The following UFM1 variants were observed in gnomAD, a reference collection of about 807,000 sequenced individuals.
UFM1 encodes the protein ubiquitin-fold modifier 1.
UFM1 carries 9 observed loss-of-function variants against 15.4 expected under a neutral mutation model. The observed-to-expected ratio is 0.59, with a 90% CI of 0.35 to 1.02. UFM1 has a LOEUF of 1.02. UFM1 is among the 50% of genes least tolerant of loss of function. UFM1 has a pLI of 0.02. For synonymous variants in UFM1, 27 were observed against 36.3 expected (o/e 0.74, Z 0.92); for missense variants, 98 against 104.7 (o/e 0.94, Z 0.28).
Position 38,363,533 on chromosome 13 carries a change from T to G in UFM1, c.*2755T>G, listed in dbSNP as rs933648218. On this transcript the variant is annotated 3_prime_UTR_variant, in exon 6 of 6. Transcript: ENST00000239878. ...AAAAAAGTTGAGAAGAAAATGGGGT[T>G]ATTGTAACTGGCTAGGTTGGTAGGT... 2.0e-5 allele frequency: 3 copies of G among 151,684 alleles called. No homozygotes were observed. Among genetic ancestry groups the G allele is most frequent in the Non-Finnish European group, 4.4e-5 (3 of 67,960 alleles). 9.4% of individuals were successfully genotyped at this position (151,684 alleles called of 1,614,324 possible).
intron 2 of UFM1, 44 bp downstream of exon 2, chr13:38,350,099 C>A: frequency 6.2e-7 from 1 of 1,614,176 alleles, no homozygotes; most frequent in Non-Finnish European, 8.5e-7. Context: ...CCGGACAAGA[C>A]GGGGCTGGGT....
chr13:38,353,264 T>C (rs1355078184), intron 2 of UFM1, among the ~76,000 whole-genome samples: 2 of 152,134 alleles, frequency 1.3e-5, no homozygotes, highest in African/African-American at 4.8e-5. Flanking sequence ...TGGTAGCTGG[T>C]ATTGAGACAC....
In UFM1 at chr13:38,362,024, T is replaced by C. The variant is rs1201224445; in HGVS notation, c.*1246T>C. On this transcript the variant is annotated 3_prime_UTR_variant, in exon 6 of 6. Coordinates refer to ENST00000239878, the MANE Select transcript of UFM1 (RefSeq NM_016617.4). ...GATGTGTGTAAGGGAAGATTTTATTTGCCCTTCCGGAAGAAATCAGTATCT... is the reference window on the plus strand; with the variant it reads ...GATGTGTGTAAGGGAAGATTTTATTCGCCCTTCCGGAAGAAATCAGTATCT... The C allele has an allele frequency of 1.3e-5, 2 of 152,228 alleles. No homozygotes were observed. Among genetic ancestry groups the C allele is most frequent in the Non-Finnish European group, 2.9e-5 (2 of 68,048 alleles). The allele number at this position is 152,228 out of a possible 1,614,324, so 9.4% of individuals were successfully genotyped here.
intron 2 of UFM1, among the ~76,000 whole-genome samples, chr13:38,352,610 A>T (rs1012819770): frequency 2.6e-5 from 4 of 152,214 alleles, no homozygotes; most frequent in African/African-American, 7.2e-5. Flanking sequence ...TTATGAAATG[A>T]CTGGCAAATA....
chr13:38,350,520 T>G (rs1463130094), intron 2 of UFM1, among the ~76,000 whole-genome samples: 2 of 152,240 alleles, frequency 1.3e-5, no homozygotes, highest in Non-Finnish European at 1.5e-5. Flanking sequence ...CCGCGGCTTC[T>G]GAGTTTCGTT....
At chr13:38,350,178 C>T (rs774150714) in intron 2 of UFM1, 123 bp downstream of exon 2, 3 of 1,613,860 alleles carry the variant, frequency 1.9e-6, no homozygotes, top group Non-Finnish European at 2.5e-6. Flanking sequence ...ATCTACTTTC[C>T]TGGCTCGCGC....
rs1453057515 is a variant in UFM1 at position 38,358,163 on chromosome 13, C to T, written c.157+31C>T. ...AATTCACTATAAAATTATGTATTAC[C>T]TCAAATTTATAGAAATGGTGTAAAA... is the stretch of plus-strand genomic sequence containing the variant. On this transcript the variant is annotated intron_variant, in intron 4 of 5. Transcript: ENST00000239878. 8.2e-6 allele frequency: 11 copies of T among 1,346,948 alleles called. 1 individual carries two copies. The South Asian group carries it at 1.2e-4, about 14-fold the overall frequency. The allele number at this position is 1,346,948 out of a possible 1,614,324, so 83.4% of individuals were successfully genotyped here.
In UFM1 at chr13:38,363,331, C is replaced by T. The variant is rs1478878048; in HGVS notation, c.*2553C>T. 1 of 152,092 alleles carries T rather than the reference C, an allele frequency of 6.6e-6. No individual in the cohort carries two copies. The highest frequency in any genetic ancestry group is 1.5e-5 in the Non-Finnish European group (1 of 68,022). The allele number at this position is 152,092 out of a possible 1,614,324, so 9.4% of individuals were successfully genotyped here. ...TGTAGCCTAGGAGCAATAGGCCATA[C>T]CAAATAGCCTAAGTTTGTAGTAGGT... On this transcript the variant is annotated 3_prime_UTR_variant, in exon 6 of 6. Coordinates refer to ENST00000239878, the MANE Select transcript of UFM1 (RefSeq NM_016617.4).
rs149897266 is a variant in UFM1 at position 38,350,200 on chromosome 13, C to G, written c.59+145C>G. 28 of 1,612,942 alleles carry G rather than the reference C, an allele frequency of 1.7e-5. No homozygotes were observed. The South Asian group carries it at 2.1e-4, about 12-fold the overall frequency. ...TTCCTGGCTCGCGCCCTTCCAGGAG[C>G]CTTTCCCACCGGAGCCTGCGAGGAG... On this transcript the variant is annotated intron_variant, in intron 2 of 5. Coordinates refer to ENST00000239878, the MANE Select transcript of UFM1 (RefSeq NM_016617.4).
chr13:38,358,301 C>G (rs1293025692), intron 4 of UFM1, among the ~76,000 whole-genome samples, 169 bp downstream of exon 4: 1 of 151,560 alleles, frequency 6.6e-6, no homozygotes, highest in Non-Finnish European at 1.5e-5. Context: ...TAATTAGCTC[C>G]TTTCATTTCT....
intron 2 of UFM1, among the ~76,000 whole-genome samples, chr13:38,350,531 G>A (rs887527104): frequency 6.6e-6 from 1 of 152,172 alleles, no homozygotes; most frequent in Non-Finnish European, 1.5e-5. Flanking sequence ...GAGTTTCGTT[G>A]TGTATGAGTA....
At chr13:38,357,848 T>C (rs1273572678) in intron 3 of UFM1, among the ~76,000 whole-genome samples, 1 of 151,892 alleles carries the variant, frequency 6.6e-6, no homozygotes, top group Non-Finnish European at 1.5e-5. Context: ...TTGAATATAC[T>C]GAGGAGAAGG....
chr13:38,359,767 T>A, intron 5 of UFM1: 1 of 162,186 alleles, frequency 6.2e-6, no homozygotes, highest in Non-Finnish European at 1.3e-5. Flanking sequence ...GGGCTGAGTC[T>A]ACATTCAGAT....
intron 5 of UFM1, 152 bp from the exon 6 acceptor site, chr13:38,360,559 C>T (rs1879322177): frequency 3.7e-6 from 2 of 539,892 alleles, no homozygotes; most frequent in South Asian, 6.3e-5. Context: ...AGGAACAAGA[C>T]TTAAAAAGCT....
intron 3 of UFM1, among the ~76,000 whole-genome samples, chr13:38,356,474 A>T (rs1879099639): frequency 6.6e-6 from 1 of 151,860 alleles, no homozygotes; most frequent in Non-Finnish European, 1.5e-5. Flanking sequence ...AAAAGGACAC[A>T]AGAGTGTACC....
intron 4 of UFM1, among the ~76,000 whole-genome samples, chr13:38,358,834 A>T (rs1456693894): frequency 6.6e-6 from 1 of 151,994 alleles, no homozygotes; most frequent in Non-Finnish European, 1.5e-5. Context: ...CTCTGTTGGA[A>T]AAAAGCTGGC....
intron 3 of UFM1, 125 bp downstream of exon 3, chr13:38,354,421 T>C: frequency 1.5e-6 from 1 of 680,342 alleles, no homozygotes; most frequent in South Asian, 3.7e-5. Context: ...GTTTATGTTA[T>C]CAAAAAGTAG....
intron 2 of UFM1, among the ~76,000 whole-genome samples, chr13:38,352,089 T>C (rs549899293): frequency 7.1e-6 from 1 of 141,354 alleles, no homozygotes; most frequent in Admixed American, 7.9e-5. Flanking sequence ...AGTTTGTTTT[T>C]TTTTCTTTCT....
intron 5 of UFM1, 187 bp downstream of exon 5, chr13:38,359,520 G>GCCAAAAACATCTACA: frequency 2.0e-6 from 1 of 488,552 alleles, no homozygotes; most frequent in Non-Finnish European, 3.6e-6. Context: ...ATTGATTGTA[G>GCCAAAAACATCTACA]ATGTTTTTGG....
Sources: gnomAD v4.1 joint callset for allele counts (sites outside exome capture counted in the v4.1 genomes callset) on GRCh38, gnomAD v4.1.1 for gene constraint, MANE v1.5 for transcripts, NCBI Gene and HGNC (gene_info 2026-07-23, HGNC 2026-07-21) for gene names.